The following ATRN variants were observed in gnomAD, a reference collection of about 807,000 sequenced individuals.
ATRN encodes attractin.
A neutral mutation model predicts 178.7 loss-of-function variants in ATRN; 54 were observed. The ratio of observed to expected loss-of-function variants is 0.30; its 90% CI spans 0.24 to 0.38. The LOEUF is 0.38. Among genes scored for constraint, ATRN ranks in the 10% least tolerant of loss-of-function variants. The pLI is 1.00. For missense variants in ATRN, 1,443 were observed against 1,815.1 expected, an observed-to-expected ratio of 0.79 and a Z score of 3.73; for synonymous variants, 636 against 663.0, an observed-to-expected ratio of 0.96 and a Z score of 0.63.
At chr20:3,602,342 T>A (rs1331161359) in intron 23 of ATRN, among the ~76,000 whole-genome samples, 1 of 150,278 alleles carries the variant, frequency 6.7e-6, no homozygotes, top group Non-Finnish European at 1.5e-5. Context: ...AAAAAAAAAA[T>A]AAAAAAACAC....
At chr20:3,517,981 A>C (rs1223595756) in intron 1 of ATRN, among the ~76,000 whole-genome samples, 9 of 152,154 alleles carry the variant, frequency 5.9e-5, no homozygotes, top group Admixed American at 5.9e-4. Flanking sequence ...AAGCATTGCT[A>C]CTTATCTATA....
intron 10 of ATRN, among the ~76,000 whole-genome samples, chr20:3,563,734 C>T (rs1486474303): frequency 1.3e-5 from 2 of 152,168 alleles, no homozygotes; most frequent in African/African-American, 4.8e-5. Flanking sequence ...TGGTTTCTCA[C>T]ATGGTCTTGG....
At chr20:3,497,265 T>G (rs1314437455) in intron 1 of ATRN, among the ~76,000 whole-genome samples, 1 of 151,432 alleles carries the variant, frequency 6.6e-6, no homozygotes, top group African/African-American at 2.4e-5. Flanking sequence ...CTCGATGGTC[T>G]TTACATTTTG....
chr20:3,604,743 C>T (rs995835064), intron 24 of ATRN, among the ~76,000 whole-genome samples: 1 of 152,172 alleles, frequency 6.6e-6, no homozygotes, highest in Non-Finnish European at 1.5e-5. Context: ...TCTAGTCAGA[C>T]AGAGGTGGAT....
In ATRN at chr20:3,566,756, A is replaced by G. The variant is rs558985192; in HGVS notation, c.1871+1324A>G. ...CCCGTCTCTTCCTAAAATACAAAAC[A>G]ATTAGCCAGGTGTGGTGGTAGGCAC... On this transcript the variant is annotated intron_variant, in intron 11 of 28. Coordinates refer to ENST00000262919, the MANE Select transcript of ATRN (RefSeq NM_139321.3). 7.2e-5 allele frequency among the ~76,000 whole-genome samples: 11 copies of G among 152,098 alleles called. 1 individual carries two copies. In the East Asian group the frequency reaches 1.9e-3, roughly 27 times the overall value.
chr20:3,489,827 A>G, intron 1 of ATRN: 1 of 1,259,772 alleles, frequency 7.9e-7, no homozygotes, highest in South Asian at 1.2e-5. Context: ...TATAGTTGAT[A>G]TTTAGGCCAT....
At chr20:3,582,605 A>G (rs981378207) in intron 16 of ATRN, among the ~76,000 whole-genome samples, 4 of 152,226 alleles carry the variant, frequency 2.6e-5, no homozygotes, top group Non-Finnish European at 5.9e-5. Context: ...CTAATTAACA[A>G]TGAGATTGAT....
intron 23 of ATRN, among the ~76,000 whole-genome samples, chr20:3,602,721 T>A (rs1344751139): frequency 6.6e-6 from 1 of 152,000 alleles, no homozygotes; most frequent in African/African-American, 2.4e-5. Context: ...CCTAGCACTT[T>A]GGGAGGCTGG....
intron 1 of ATRN, among the ~76,000 whole-genome samples, chr20:3,475,555 C>G (rs533768722): frequency 6.6e-6 from 1 of 152,198 alleles, no homozygotes; most frequent in East Asian, 1.9e-4. Flanking sequence ...GTACCACTTT[C>G]GTTCATTCTT....
Position 3,562,314 on chromosome 20 carries a change from C to A in ATRN, c.1486C>A (p.Leu496Ile). The change falls in exon 9 of 29, where the codon CTT (leucine) becomes ATT (isoleucine). Residue 496 changes from leucine (L) to isoleucine (I), a missense_variant. Leu to Ile is a conservative substitution (Grantham distance 5). This residue lies in a region of ATRN where 862 missense variants were observed against 972.1 expected (regional missense o/e 0.89). Coordinates refer to ENST00000262919, the MANE Select transcript of ATRN (RefSeq NM_139321.3). ...TWSILHTQGA[L>I]VQGGYGHSSV... ...GAGTATATTACACACCCAGGGTGCCCTTGTGCAAGGGGGTTACGGCCATAG... is the reference window on the plus strand; with the variant it reads ...GAGTATATTACACACCCAGGGTGCCATTGTGCAAGGGGGTTACGGCCATAG... 1 of 1,614,026 alleles carries A rather than the reference C, an allele frequency of 6.2e-7. No individual in the cohort carries two copies. The highest frequency in any genetic ancestry group is 8.5e-7 in the Non-Finnish European group (1 of 1,179,938).
intron 1 of ATRN, among the ~76,000 whole-genome samples, chr20:3,505,017 A>C (rs1395375717): frequency 1.3e-5 from 2 of 152,160 alleles, no homozygotes; most frequent in Non-Finnish European, 2.9e-5. Flanking sequence ...GGAATCCGTG[A>C]TGATTAATTT....
rs1201915678 is a variant in ATRN at position 3,542,953 on chromosome 20, A to G, written c.608+2618A>G. On this transcript the variant is annotated intron_variant, in intron 3 of 28. Coordinates refer to ENST00000262919, the MANE Select transcript of ATRN (RefSeq NM_139321.3). ...TGCACCCGGCCGAAGATTGCTTTTG[A>G]CATACCTGTTTCCAGGTGGCCCTGA... Among the ~76,000 whole-genome samples, 3 of 152,042 alleles carry G rather than the reference A, an allele frequency of 2.0e-5. No individual in the cohort carries two copies. The East Asian group carries it at 5.8e-4, about 29-fold the overall frequency.
intron 10 of ATRN, 25 bp from the exon 11 acceptor site, chr20:3,565,323 A>C (rs1212045769): frequency 4.4e-6 from 7 of 1,587,406 alleles, no homozygotes; most frequent in Non-Finnish European, 5.2e-6. Flanking sequence ...TAGTCCGTTT[A>C]AAAATATATT....
chr20:3,603,689 A>G (rs1373834801), intron 23 of ATRN, among the ~76,000 whole-genome samples: 1 of 151,896 alleles, frequency 6.6e-6, no homozygotes, highest in Non-Finnish European at 1.5e-5. Flanking sequence ...GGGTTTCTCC[A>G]TGTTTGTCAG....
intron 24 of ATRN, among the ~76,000 whole-genome samples, chr20:3,623,163 C>T (rs548698174): frequency 6.6e-6 from 1 of 152,298 alleles, no homozygotes; most frequent in South Asian, 2.1e-4. Context: ...CCAAAATGAC[C>T]TTGTTTATAT....
chr20:3,557,150 G>A (rs1018369491), intron 6 of ATRN, among the ~76,000 whole-genome samples: 2 of 152,150 alleles, frequency 1.3e-5, no homozygotes, highest in African/African-American at 2.4e-5. Context: ...CTTTGCAGTG[G>A]TATGCAGTCC....
At chr20:3,566,391 A>G (rs2086036472) in intron 11 of ATRN, among the ~76,000 whole-genome samples, 1 of 152,162 alleles carries the variant, frequency 6.6e-6, no homozygotes, top group Admixed American at 6.5e-5. Flanking sequence ...TGCTTTAAAG[A>G]TTTTTAAGAA....
chr20:3,475,983 A>C (rs1373532237), intron 1 of ATRN, among the ~76,000 whole-genome samples: 2 of 148,944 alleles, frequency 1.3e-5, no homozygotes, highest in Non-Finnish European at 3.0e-5. Flanking sequence ...CCTCACTACC[A>C]AAAAAAAGAA....
chr20:3,572,129 G>T (rs1176066020), intron 11 of ATRN, among the ~76,000 whole-genome samples: 2 of 152,102 alleles, frequency 1.3e-5, no homozygotes, highest in Non-Finnish European at 2.9e-5. Flanking sequence ...GCTTTTATCT[G>T]TTTATGATTG....
Sources: gnomAD v4.1 joint callset for allele counts (sites outside exome capture counted in the v4.1 genomes callset) on GRCh38, gnomAD v4.1.1 for gene constraint, gnomAD v4.1.1 regional missense constraint, MANE v1.5 for transcripts, NCBI Gene and HGNC (gene_info 2026-07-23, HGNC 2026-07-21) for gene names.